The following SNTG1 variants were observed in gnomAD, a reference collection of about 807,000 sequenced individuals.
SNTG1 encodes the protein syntrophin gamma 1, also known as gamma-1-syntrophin.
A neutral mutation model predicts 74.7 loss-of-function variants in SNTG1; 39 were observed. The ratio of observed to expected loss-of-function variants is 0.52; its 90% CI spans 0.40 to 0.68. The LOEUF is 0.68. Ranked by LOEUF, SNTG1 falls within the 30% of genes least tolerant of loss-of-function variation. The probability of loss-of-function intolerance (pLI) is 0.00; values close to 1 mark genes in which losing one functional copy is unlikely to be tolerated. For synonymous variants in SNTG1, 254 were observed against 217.1 expected (o/e 1.17, Z -1.49); for missense variants, 685 against 609.5 (o/e 1.12, Z -1.30).
chr8:50,619,910 GAA>G lies in SNTG1; in HGVS notation c.849+29007_849+29008del, dbSNP rs779432001. On this transcript the variant is annotated intron_variant, in intron 13 of 18. Transcript: ENST00000642720. Reference sequence around the variant, plus strand: ...AGCCTCTCTTCCAGGCATGTCTGCAGAAAAAAAAAAAAAAAGCAAGCATGATT... The same window carrying G: ...AGCCTCTCTTCCAGGCATGTCTGCAGAAAAAAAAAAAAAGCAAGCATGATT... Among the ~76,000 whole-genome samples, 721 of 102,174 alleles carry G rather than the reference GAA, an allele frequency of 7.1e-3. 5 individuals carry two copies. Among genetic ancestry groups the G allele is most frequent in the African/African-American group, 0.024 (676 of 28,596 alleles). The allele number at this position is 102,174 out of a possible 152,430, so 67.0% of individuals were successfully genotyped here. A position where few individuals can be genotyped will look rare whatever the true frequency, so the allele number is the denominator to read the frequency against.
At chr8:50,729,627 A>G (rs2095508104) in intron 17 of SNTG1, among the ~76,000 whole-genome samples, 1 of 152,176 alleles carries the variant, frequency 6.6e-6, no homozygotes, top group South Asian at 2.1e-4. Flanking sequence ...TACACCTAGC[A>G]TGAGCTATGC....
intron 2 of SNTG1, among the ~76,000 whole-genome samples, chr8:50,347,302 A>C (rs1435752707): frequency 1.3e-5 from 2 of 152,356 alleles, no homozygotes; most frequent in East Asian, 3.9e-4. Context: ...ATGAAAAAAC[A>C]AATCCTGAGT....
intron 9 of SNTG1, among the ~76,000 whole-genome samples, chr8:50,515,262 T>C (rs1047077261): frequency 6.6e-6 from 1 of 151,722 alleles, no homozygotes; most frequent in Non-Finnish European, 1.5e-5. Flanking sequence ...GTTATGCTTA[T>C]TCTTATATTA....
chr8:50,059,812 A>T (rs1168949866), intron 1 of SNTG1, among the ~76,000 whole-genome samples: 2 of 152,060 alleles, frequency 1.3e-5, no homozygotes, highest in African/African-American at 4.8e-5. Context: ...TTTGTGTATA[A>T]TTTTTTGTGT....
chr8:50,450,847 T>G, intron 8 of SNTG1, 118 bp downstream of exon 8: 1 of 979,820 alleles, frequency 1.0e-6, no homozygotes, highest in South Asian at 1.7e-5. Flanking sequence ...CAGTTTGATA[T>G]CAAATTTTCA....
Position 50,795,628 on chromosome 8 carries a change from C to T in SNTG1, c.*2799C>T, listed in dbSNP as rs1802776328. 6.6e-6 allele frequency: 1 copy of T among 151,834 alleles called. No homozygotes were observed. The highest frequency in any genetic ancestry group is 2.1e-4 in the South Asian group (1 of 4,816). 9.4% of individuals were successfully genotyped at this position (151,834 alleles called of 1,614,324 possible). On this transcript the variant is annotated 3_prime_UTR_variant, in exon 19 of 19. Transcript: ENST00000642720. Reference sequence around the variant, plus strand: ...TCATTAAAGGGTTCATTACAGTGTACATAACACAAGCTTAATGGAGAATAT... The same window carrying T: ...TCATTAAAGGGTTCATTACAGTGTATATAACACAAGCTTAATGGAGAATAT...
chr8:50,500,042 T>C (rs1585475947), intron 8 of SNTG1, among the ~76,000 whole-genome samples: 1 of 152,062 alleles, frequency 6.6e-6, no homozygotes, highest in Non-Finnish European at 1.5e-5. Flanking sequence ...GTAGATTTAT[T>C]TGGCAGGATT....
intron 9 of SNTG1, among the ~76,000 whole-genome samples, chr8:50,508,433 C>T (rs1357508352): frequency 6.6e-6 from 1 of 152,118 alleles, no homozygotes; most frequent in African/African-American, 2.4e-5. Flanking sequence ...TGGGTATATA[C>T]CCAGTAATGG....
chr8:50,234,198 A>G (rs565186934), intron 2 of SNTG1, among the ~76,000 whole-genome samples: 344 of 152,122 alleles, frequency 2.3e-3, no homozygotes, highest in African/African-American at 8.0e-3. Flanking sequence ...GTACCTCCAT[A>G]TCATGATATA....
chr8:50,629,825 T>C (rs2094983715), intron 13 of SNTG1, among the ~76,000 whole-genome samples: 1 of 152,186 alleles, frequency 6.6e-6, no homozygotes, highest in Admixed American at 6.5e-5. Context: ...TGCTGTATGG[T>C]AGTTGATACA....
At chr8:50,611,297 G>T (rs1225033960) in intron 13 of SNTG1, among the ~76,000 whole-genome samples, 1 of 152,114 alleles carries the variant, frequency 6.6e-6, no homozygotes, top group Non-Finnish European at 1.5e-5. Flanking sequence ...TTCTCTGATA[G>T]AAGGACTTCA....
chr8:50,499,051 G>T (rs1386443002), intron 8 of SNTG1, among the ~76,000 whole-genome samples: 1 of 151,552 alleles, frequency 6.6e-6, no homozygotes, highest in Non-Finnish European at 1.5e-5. Flanking sequence ...AACGATGTTG[G>T]TTTAATAGCT....
chr8:49,972,154 G>T lies in SNTG1; in HGVS notation c.-103+59923G>T, dbSNP rs185729877. The stretch of plus-strand genomic sequence containing the variant: ...CAGTAACCAAAACAGCATGGTACTG[G>T]TACCAAAACAGAGGTATTGACCAAT... On this transcript the variant is annotated intron_variant, in intron 1 of 18. Coordinates refer to ENST00000642720, the MANE Select transcript of SNTG1 (RefSeq NM_018967.5). Among the ~76,000 whole-genome samples, 138 of 152,248 alleles carry T rather than the reference G, an allele frequency of 9.1e-4. 3 individuals are homozygous for T. Among genetic ancestry groups the T allele is most frequent in the Non-Finnish European group, 5.3e-4 (36 of 68,020 alleles).
chr8:50,722,367 G>A (rs1354333038), intron 17 of SNTG1, among the ~76,000 whole-genome samples: 3 of 151,790 alleles, frequency 2.0e-5, no homozygotes, highest in Admixed American at 6.6e-5. Flanking sequence ...TAGAGACGGG[G>A]TTTTTACCAT....
At chr8:50,378,731 C>T (rs905796175) in intron 2 of SNTG1, among the ~76,000 whole-genome samples, 1 of 152,022 alleles carries the variant, frequency 6.6e-6, no homozygotes, top group African/African-American at 2.4e-5. Flanking sequence ...CTCCTCTCTG[C>T]AGACAGGTTG....
chr8:50,464,160 C>A (rs1227937619), intron 8 of SNTG1, among the ~76,000 whole-genome samples: 1 of 152,142 alleles, frequency 6.6e-6, no homozygotes, highest in Non-Finnish European at 1.5e-5. Context: ...TAGATCTATT[C>A]AGACAACTAA....
chr8:50,260,311 C>A (rs1241166759), intron 2 of SNTG1, among the ~76,000 whole-genome samples: 1 of 152,152 alleles, frequency 6.6e-6, no homozygotes, highest in Non-Finnish European at 1.5e-5. Flanking sequence ...TAGCTCTAGT[C>A]CCTTGTAGCA....
chr8:50,730,107 TC>T (rs2095509514), intron 17 of SNTG1, among the ~76,000 whole-genome samples: 2 of 152,208 alleles, frequency 1.3e-5, no homozygotes, highest in East Asian at 1.9e-4. Flanking sequence ...AAAATTTCAA[TC>T]CAGAATATTG....
chr8:50,450,667 A>G (rs748289956), intron 7 of SNTG1, 21 bp from the exon 8 acceptor site: 2 of 1,613,432 alleles, frequency 1.2e-6, no homozygotes, highest in South Asian at 1.1e-5. Flanking sequence ...ATGGGAAACT[A>G]TGCTTTTCTT....
Sources: gnomAD v4.1 joint callset for allele counts (sites outside exome capture counted in the v4.1 genomes callset) on GRCh38, gnomAD v4.1.1 for gene constraint, MANE v1.5 for transcripts, NCBI Gene and HGNC (gene_info 2026-07-23, HGNC 2026-07-21) for gene names.